PATJ: variants seen among roughly 807,000 people sequenced by gnomAD.
PATJ encodes PATJ crumbs cell polarity complex component, also known as inaD-like protein.
PATJ carries 190 observed loss-of-function variants against 224.9 expected under a neutral mutation model. That is an observed-to-expected ratio of 0.84 (90% CI 0.75 to 0.95). The LOEUF (loss-of-function observed/expected upper bound fraction) is 0.95, where lower values mean the gene tolerates loss of function less well. Among genes scored for constraint, PATJ ranks in the 40% least tolerant of loss-of-function variants. The pLI is 0.00. For missense variants in PATJ, 2,121 were observed against 2,270.3 expected (o/e 0.93, Z 1.34); for synonymous variants, 769 against 820.3 (o/e 0.94, Z 1.07).
intron 41 of PATJ, among the ~76,000 whole-genome samples, chr1:62,138,201 T>G (rs1244331686): frequency 1.3e-5 from 2 of 152,196 alleles, no homozygotes; most frequent in Non-Finnish European, 2.9e-5. Context: ...GTAACTTTAA[T>G]GGTGATGCAA....
intron 29 of PATJ, among the ~76,000 whole-genome samples, chr1:62,034,267 A>G (rs1048678110): frequency 1.3e-5 from 2 of 151,920 alleles, no homozygotes; most frequent in Non-Finnish European, 2.9e-5. Flanking sequence ...ACATGGTGAT[A>G]CTCCATCTCT....
intron 22 of PATJ, among the ~76,000 whole-genome samples, chr1:61,895,769 A>G (rs115685115): frequency 0.022 from 3,340 of 152,312 alleles, 58 homozygotes; most frequent in South Asian, 0.045. Context: ...TTGTGGAGCT[A>G]TGAGAAGAGG....
intron 27 of PATJ, among the ~76,000 whole-genome samples, chr1:61,973,462 T>C (rs1342458065): frequency 6.6e-6 from 1 of 152,010 alleles, no homozygotes; most frequent in Non-Finnish European, 1.5e-5. Flanking sequence ...AAATAACATG[T>C]TTTAACCCTT....
At chr1:61,777,174 T>G (rs938261007) in intron 7 of PATJ, among the ~76,000 whole-genome samples, 8 of 152,250 alleles carry the variant, frequency 5.3e-5, no homozygotes, top group Admixed American at 5.2e-4. Context: ...CAACTGACAC[T>G]GTTTGTTAGC....
At chr1:61,980,646 T>C (rs1644402428) in intron 27 of PATJ, among the ~76,000 whole-genome samples, 1 of 152,084 alleles carries the variant, frequency 6.6e-6, no homozygotes, top group African/African-American at 2.4e-5. Context: ...AAGAAAACCA[T>C]TCTCTATACA....
intron 20 of PATJ, among the ~76,000 whole-genome samples, chr1:61,871,149 G>GA (rs1160063772): frequency 1.1e-4 from 13 of 115,718 alleles, no homozygotes; most frequent in East Asian, 1.1e-3. Context: ...TCTCTTTTTA[G>GA]AAAAAAAAAC....
At chr1:61,968,542 A>C (rs1682491698) in intron 27 of PATJ, among the ~76,000 whole-genome samples, 1 of 152,150 alleles carries the variant, frequency 6.6e-6, no homozygotes, top group South Asian at 2.1e-4. Context: ...CCAAACTGAA[A>C]TTCTTTTTTT....
At chr1:62,137,518 CACAGCAGT>C (rs1667049683) in intron 41 of PATJ, among the ~76,000 whole-genome samples, 5 of 1,444 alleles carry the variant, frequency 3.5e-3, no homozygotes, top group East Asian at 0.036. Flanking sequence ...AGTGAGGGGG[CACAGCAGT>C]CTGAGGGGGA....
chr1:62,153,439 C>G lies in PATJ; in HGVS notation c.5460C>G (p.Pro1820=). Residue 1820 remains proline, a synonymous_variant, in exon 43 of 44, where the codon CCC becomes CCG. Transcript: ENST00000642238. The part of the protein sequence containing the change: ...GFSIVGGYGS[P]HGDLPIYVKT... ...GTATTGTAGGGGGTTATGGAAGTCC[C>G]CATGGAGACCTGCCAATTTATGTCA... 1 of 1,231,342 alleles carries G rather than the reference C, an allele frequency of 8.1e-7. No individual in the cohort carries two copies. The highest frequency in any genetic ancestry group is 1.0e-6 in the Non-Finnish European group (1 of 987,446). 76.3% of individuals were successfully genotyped at this position (1,231,342 alleles called of 1,614,324 possible).
chr1:61,952,040 A>T (rs1465969749), intron 27 of PATJ: 1 of 264,460 alleles, frequency 3.8e-6, no homozygotes, highest in East Asian at 6.7e-5. Flanking sequence ...TGAGGCGAGC[A>T]GGGTAACTGA....
chr1:61,778,708 A>G (rs1254237074), intron 7 of PATJ, among the ~76,000 whole-genome samples: 1 of 150,984 alleles, frequency 6.6e-6, no homozygotes, highest in African/African-American at 2.4e-5. Flanking sequence ...ATATATATAT[A>G]TATAGAGAGA....
intron 17 of PATJ, among the ~76,000 whole-genome samples, chr1:61,844,940 CTG>C (rs1419075444): frequency 6.6e-5 from 10 of 152,160 alleles, no homozygotes; most frequent in African/African-American, 2.2e-4. Context: ...CCATGCGAAA[CTG>C]TGAGTTAATT....
intron 34 of PATJ, 30 bp downstream of exon 34, chr1:62,108,550 A>AATCTACATTT: frequency 7.2e-7 from 1 of 1,380,462 alleles, no homozygotes; most frequent in Non-Finnish European, 1.0e-6. Context: ...ATTTTATATC[A>AATCTACATTT]GTAAATGTGG....
At chr1:62,119,524 C>CT (rs1181059730) in intron 37 of PATJ, among the ~76,000 whole-genome samples, 10 of 152,132 alleles carry the variant, frequency 6.6e-5, no homozygotes. Context: ...CACCAAGTGT[C>CT]TTTTTTTAAA....
chr1:61,950,018 A>T (rs1679393040), intron 27 of PATJ, among the ~76,000 whole-genome samples: 1 of 152,220 alleles, frequency 6.6e-6, no homozygotes, highest in Non-Finnish European at 1.5e-5. Context: ...TGACTGACCA[A>T]CATGGTGAAA....
At position 61,920,460 on chromosome 1, in the gene PATJ, G is replaced by A. The variant is rs149390750; in HGVS notation, c.3570+5796G>A. On this transcript the variant is annotated intron_variant, in intron 26 of 43. Coordinates refer to ENST00000642238, the MANE Select transcript of PATJ (RefSeq NM_001350145.3). ...GGTGACTTGCTCCTCCTTGCTTTCCGCCATGATTATGAGGCCTCTCCTGCC... is the reference window on the plus strand; with the variant it reads ...GGTGACTTGCTCCTCCTTGCTTTCCACCATGATTATGAGGCCTCTCCTGCC... Among the ~76,000 whole-genome samples the A allele has an allele frequency of 2.2e-4, 34 of 152,060 alleles. No individual in the cohort carries two copies. The East Asian group carries it at 2.7e-3, about 12-fold the overall frequency.
At chr1:61,754,397 A>G (rs1351912050) in intron 1 of PATJ, among the ~76,000 whole-genome samples, 1 of 151,430 alleles carries the variant, frequency 6.6e-6, no homozygotes, top group Non-Finnish European at 1.5e-5. Context: ...TTCTTGTCAT[A>G]TACTCTTTTT....
chr1:62,094,834 CTG>C (rs1311942643), intron 33 of PATJ, among the ~76,000 whole-genome samples: 3 of 152,134 alleles, frequency 2.0e-5, no homozygotes, highest in African/African-American at 7.2e-5. Flanking sequence ...TAGACTAGCT[CTG>C]TGTTTATTTT....
chr1:62,123,887 G>A (rs1195904486), intron 39 of PATJ, among the ~76,000 whole-genome samples: 2 of 151,916 alleles, frequency 1.3e-5, no homozygotes, highest in Non-Finnish European at 2.9e-5. Context: ...CCCAAATCAT[G>A]AGTAACTTCC....
Sources: allele counts gnomAD v4.1 joint callset (sites outside exome capture counted in the v4.1 genomes callset), GRCh38; gene constraint gnomAD v4.1.1; transcripts MANE v1.5; gene names NCBI Gene and HGNC (gene_info 2026-07-23, HGNC 2026-07-21).